HECTD2: variants seen among roughly 807,000 people sequenced by gnomAD.
HECTD2 encodes the protein probable E3 ubiquitin-protein ligase HECTD2.
A neutral mutation model predicts 103.2 loss-of-function variants in HECTD2; 35 were observed. The ratio of observed to expected loss-of-function variants is 0.34; its 90% CI spans 0.26 to 0.45. HECTD2 has a LOEUF of 0.45. Ranked by LOEUF, HECTD2 falls within the 20% of genes least tolerant of loss-of-function variation. The pLI, the probability that HECTD2 is intolerant of heterozygous loss-of-function variation, is 1.00. For missense variants in HECTD2, 596 were observed against 937.4 expected (o/e 0.64, Z 4.76); for synonymous variants, 281 against 329.9 (o/e 0.85, Z 1.61).
intron 14 of HECTD2, among the ~76,000 whole-genome samples, chr10:91,495,262 G>A (rs1416593371): frequency 6.6e-6 from 1 of 151,878 alleles, no homozygotes; most frequent in Non-Finnish European, 1.5e-5. Context: ...AATATAGTTG[G>A]TTTCATATAT....
At chr10:91,481,656 C>T (rs901300570) in intron 7 of HECTD2, among the ~76,000 whole-genome samples, 6 of 151,358 alleles carry the variant, frequency 4.0e-5, no homozygotes, top group African/African-American at 1.2e-4. Context: ...TTGATAGATA[C>T]AGATTAATAG....
chr10:91,481,442 A>C (rs1330289548), intron 7 of HECTD2, among the ~76,000 whole-genome samples: 3 of 151,788 alleles, frequency 2.0e-5, no homozygotes, highest in Non-Finnish European at 4.4e-5. Flanking sequence ...AGGAACAAAC[A>C]GAATGGAAGC....
chr10:91,484,736 T>C (rs1846207294), intron 9 of HECTD2, 81 bp downstream of exon 9: 6 of 1,045,718 alleles, frequency 5.7e-6, no homozygotes, highest in Non-Finnish European at 8.1e-6. Flanking sequence ...CAAAAGACTA[T>C]AGAGGCATTC....
At position 91,487,512 on chromosome 10, in the gene HECTD2, A is replaced by C. The variant is rs753786315; in HGVS notation, c.1095-170A>C. 4.5e-6 allele frequency: 3 copies of C among 666,272 alleles called. No homozygotes were observed. In the South Asian group the frequency reaches 4.6e-5, roughly 10 times the overall value. The allele number at this position is 666,272 out of a possible 1,614,324, so 41.3% of individuals were successfully genotyped here. A position where few individuals can be genotyped will look rare whatever the true frequency, so the allele number is the denominator to read the frequency against. Reference sequence around the variant, plus strand: ...CATCTAGTAATGATACATTCTTCACATGGCTGTGAGAATTAAAAGAAATTA... The same window carrying C: ...CATCTAGTAATGATACATTCTTCACCTGGCTGTGAGAATTAAAAGAAATTA... On this transcript the variant is annotated intron_variant, in intron 10 of 20. Coordinates refer to ENST00000298068, the MANE Select transcript of HECTD2 (RefSeq NM_182765.6). The surrounding 1 kb of genome is among the most constrained non-coding windows in gnomAD (Gnocchi z 4.1).
rs77757595 is a variant in HECTD2 at position 91,509,697 on chromosome 10, T to G, written c.2211-2567T>G. 3.0e-4 allele frequency among the ~76,000 whole-genome samples: 46 copies of G among 152,272 alleles called. 1 individual carries two copies. In the East Asian group the frequency reaches 8.9e-3, roughly 29 times the overall value. On this transcript the variant is annotated intron_variant, in intron 20 of 20. Transcript: ENST00000298068. ...GGAACAGAAAACCAAATACCACATA[T>G]TCTTACTTGTAAGTGGGAGCTAAAT...
intron 6 of HECTD2, among the ~76,000 whole-genome samples, chr10:91,478,905 T>C (rs1178181053): frequency 6.6e-6 from 1 of 152,084 alleles, no homozygotes; most frequent in Non-Finnish European, 1.5e-5. Context: ...AAATGTAATG[T>C]TACATGTACC....
At chr10:91,429,016 G>C (rs1439262541) in intron 2 of HECTD2, among the ~76,000 whole-genome samples, 2 of 152,090 alleles carry the variant, frequency 1.3e-5, no homozygotes, top group East Asian at 3.9e-4. Context: ...CTGTGGGTTT[G>C]TCATAGATAG....
intron 1 of HECTD2, among the ~76,000 whole-genome samples, chr10:91,421,301 T>A (rs1441529336): frequency 6.6e-6 from 1 of 152,106 alleles, no homozygotes; most frequent in African/African-American, 2.4e-5. Flanking sequence ...TTTTAACACA[T>A]CACTTTCTTC....
At chr10:91,450,437 G>A (rs1240814233) in intron 2 of HECTD2, among the ~76,000 whole-genome samples, 1 of 152,032 alleles carries the variant, frequency 6.6e-6, no homozygotes, top group Non-Finnish European at 1.5e-5. Flanking sequence ...AGAAAACCTA[G>A]GCAGTACCAT....
rs752095505 is a variant in HECTD2 at position 91,462,216 on chromosome 10, C to G, written c.600+32C>G. Reference sequence around the variant, plus strand: ...ATTATGACATGCAAGTAATATTATTCTGTGTCTCTTCTGTATATCAAAAGC... The same window carrying G: ...ATTATGACATGCAAGTAATATTATTGTGTGTCTCTTCTGTATATCAAAAGC... On this transcript the variant is annotated intron_variant, in intron 5 of 20. Transcript: ENST00000298068. 3 of 1,546,812 alleles carry G rather than the reference C, an allele frequency of 1.9e-6. No homozygotes were observed. In the South Asian group the frequency reaches 3.7e-5, roughly 19 times the overall value.
intron 1 of HECTD2, among the ~76,000 whole-genome samples, chr10:91,417,155 G>C (rs553447635): frequency 7.2e-4 from 109 of 152,112 alleles, no homozygotes; most frequent in African/African-American, 2.4e-3. Context: ...TTTTTTTATA[G>C]TTTTGTAGTT....
intron 6 of HECTD2, among the ~76,000 whole-genome samples, 168 bp from the exon 7 acceptor site, chr10:91,480,926 C>A (rs1846067665): frequency 6.6e-6 from 1 of 152,002 alleles, no homozygotes. Flanking sequence ...GGCACAGAAG[C>A]ACTTGTATTT....
At chr10:91,489,948 T>G (rs1170557907) in intron 11 of HECTD2, 1 of 152,216 alleles carries the variant, frequency 6.6e-6, no homozygotes, top group Non-Finnish European at 1.5e-5. Context: ...AAAAAAGATA[T>G]AGTCTAATAA....
rs1846953705 is a variant in HECTD2 at position 91,502,727 on chromosome 10, A to G, written c.2210+1393A>G. On this transcript the variant is annotated intron_variant, in intron 20 of 20. Coordinates refer to ENST00000298068, the MANE Select transcript of HECTD2 (RefSeq NM_182765.6). ...ATAACAGAAGTTAATTTTTCAGAATATTTTATTTTATATTAAAAACATTTC... is the reference window on the plus strand; with the variant it reads ...ATAACAGAAGTTAATTTTTCAGAATGTTTTATTTTATATTAAAAACATTTC... Among the ~76,000 whole-genome samples the G allele has an allele frequency of 3.9e-5, 6 of 152,254 alleles. No individual in the cohort carries two copies. In the South Asian group the frequency reaches 1.2e-3, roughly 31 times the overall value.
intron 9 of HECTD2, 73 bp downstream of exon 9, chr10:91,484,728 A>G (rs1846207068): frequency 3.3e-6 from 4 of 1,212,950 alleles, no homozygotes; most frequent in Admixed American, 2.6e-5. Flanking sequence ...AAGGATTTCA[A>G]AAGACTATAG....
intron 11 of HECTD2, chr10:91,488,310 T>TG (rs901949508): frequency 6.5e-5 from 10 of 152,970 alleles, no homozygotes; most frequent in African/African-American, 2.4e-4. Flanking sequence ...CCAAAGAGGC[T>TG]GGGGATAGCA....
rs1206679084 is a variant in HECTD2, at chr10:91,513,927, G to C, written c.*1543G>C. On this transcript the variant is annotated 3_prime_UTR_variant, in exon 21 of 21. Transcript: ENST00000298068. ...TTACTATTCTCTTGGAGATGGAAGTGATTCTGCTCTTCCATTTGGGTATAT... is the reference window on the plus strand; with the variant it reads ...TTACTATTCTCTTGGAGATGGAAGTCATTCTGCTCTTCCATTTGGGTATAT... The C allele has an allele frequency of 6.6e-6, 1 of 152,578 alleles. No individual in the cohort carries two copies. The highest frequency in any genetic ancestry group is 1.5e-5 in the Non-Finnish European group (1 of 68,014). 9.5% of individuals were successfully genotyped at this position (152,578 alleles called of 1,614,324 possible).
chr10:91,475,803 T>C (rs1384540737), intron 5 of HECTD2, among the ~76,000 whole-genome samples: 4 of 152,178 alleles, frequency 2.6e-5, no homozygotes, highest in Admixed American at 2.6e-4. Flanking sequence ...GACAGCATAG[T>C]GCCCAGGGGA....
intron 1 of HECTD2, among the ~76,000 whole-genome samples, chr10:91,417,725 A>G (rs897639328): frequency 1.3e-5 from 2 of 152,008 alleles, no homozygotes; most frequent in Admixed American, 6.6e-5. Flanking sequence ...ATAGTATTCC[A>G]TGGTGTATAT....
Sources: gnomAD v4.1 joint callset for allele counts (sites outside exome capture counted in the v4.1 genomes callset) on GRCh38, gnomAD v4.1.1 for gene constraint, Gnocchi (gnomAD v3.1) non-coding constraint, MANE v1.5 for transcripts, NCBI Gene and HGNC (gene_info 2026-07-23, HGNC 2026-07-21) for gene names.